JAK2: variants seen among roughly 807,000 people sequenced by gnomAD.
JAK2 encodes tyrosine-protein kinase JAK2.
Under a neutral mutation model 139.3 loss-of-function variants are expected in JAK2, and 86 were observed. The ratio of observed to expected loss-of-function variants is 0.62; its 90% CI spans 0.52 to 0.74. The LOEUF (loss-of-function observed/expected upper bound fraction) is 0.74. Among genes scored for constraint, JAK2 ranks in the 30% least tolerant of loss-of-function variants. JAK2 has a pLI of 0.00. For missense variants in JAK2, 1,421 were observed against 1,360.3 expected (o/e 1.04, Z -0.70); for synonymous variants, 490 against 437.7 (o/e 1.12, Z -1.49).
chr9:5,001,548 G>C (rs1049393679), intron 2 of JAK2, among the ~76,000 whole-genome samples: 1 of 151,744 alleles, frequency 6.6e-6, no homozygotes, highest in African/African-American at 2.4e-5. Context: ...ACTTGGTGAT[G>C]GTGTTCTGAC....
chr9:5,122,135 T>A (rs1823666788), intron 22 of JAK2, among the ~76,000 whole-genome samples: 1 of 152,140 alleles, frequency 6.6e-6, no homozygotes, highest in Admixed American at 6.6e-5. Flanking sequence ...ATTAGGAAAC[T>A]TAAATGGGAT....
intron 22 of JAK2, among the ~76,000 whole-genome samples, chr9:5,096,156 G>A (rs1188966153): frequency 2.0e-5 from 3 of 151,876 alleles, no homozygotes; most frequent in Admixed American, 1.3e-4. Context: ...CCAATAATAC[G>A]AAAATAAAAT....
chr9:4,986,671 C>T (rs570760511), intron 2 of JAK2, among the ~76,000 whole-genome samples: 1 of 152,118 alleles, frequency 6.6e-6, no homozygotes, highest in Admixed American at 6.5e-5. Context: ...ATGCTTGGGA[C>T]CAAAAGTGTT....
intron 2 of JAK2, among the ~76,000 whole-genome samples, chr9:5,003,174 G>T (rs1441893844): frequency 6.6e-6 from 1 of 151,790 alleles, no homozygotes; most frequent in African/African-American, 2.4e-5. Context: ...TCTTTAGTTT[G>T]CTCTTCAAGA....
chr9:5,029,590 G>A (rs1054066297), intron 3 of JAK2, among the ~76,000 whole-genome samples, 193 bp from the exon 4 acceptor site: 1 of 152,028 alleles, frequency 6.6e-6, no homozygotes, highest in African/African-American at 2.4e-5. Context: ...CTAAAATGAA[G>A]TATGTTTGTA....
At chr9:5,110,403 A>T (rs1453269927) in intron 22 of JAK2, 1 of 152,322 alleles carries the variant, frequency 6.6e-6, no homozygotes. Flanking sequence ...GGGCCTTACG[A>T]TAGTCACAAT....
At chr9:5,041,161 T>G in intron 4 of JAK2, 1 of 1,192,150 alleles carries the variant, frequency 8.4e-7, no homozygotes, top group Non-Finnish European at 1.2e-6. Flanking sequence ...CGCGCATGGA[T>G]TATGTGCACA....
chr9:5,081,103 G>A (rs1347947075), intron 18 of JAK2, among the ~76,000 whole-genome samples: 4 of 151,782 alleles, frequency 2.6e-5, no homozygotes, highest in Non-Finnish European at 5.9e-5. Context: ...CACCGTGTTA[G>A]CCAGGATGGT....
intron 2 of JAK2, among the ~76,000 whole-genome samples, chr9:5,019,611 G>A (rs953334669): frequency 6.6e-6 from 1 of 152,092 alleles, no homozygotes; most frequent in Non-Finnish European, 1.5e-5. Flanking sequence ...ATGTTCCCAT[G>A]TTTCTTGTGA....
intron 22 of JAK2, among the ~76,000 whole-genome samples, chr9:5,117,521 C>A (rs1316939063): frequency 3.3e-5 from 5 of 152,020 alleles, no homozygotes; most frequent in Admixed American, 1.3e-4. Context: ...TTTCCAGAGG[C>A]AATAAGATAT....
At chr9:4,992,565 C>T (rs1025959628) in intron 2 of JAK2, among the ~76,000 whole-genome samples, 2 of 152,164 alleles carry the variant, frequency 1.3e-5, no homozygotes, top group African/African-American at 4.8e-5. Context: ...ACGCAAAATA[C>T]ACTGAGCTTC....
intron 22 of JAK2, chr9:5,111,633 G>A (rs1192336624): frequency 5.3e-6 from 2 of 376,890 alleles, no homozygotes; most frequent in African/African-American, 2.2e-5. Flanking sequence ...ATGCTGGGCG[G>A]GGGCTCATGC....
intron 22 of JAK2, among the ~76,000 whole-genome samples, chr9:5,118,836 T>C (rs1429831828): frequency 2.6e-5 from 4 of 152,144 alleles, no homozygotes; most frequent in Admixed American, 6.5e-5. Flanking sequence ...TCCATTATGT[T>C]TCAATTTTAT....
chr9:5,051,552 A>G (rs1013434162), intron 6 of JAK2, among the ~76,000 whole-genome samples: 11 of 152,188 alleles, frequency 7.2e-5, no homozygotes, highest in Admixed American at 3.3e-4. Flanking sequence ...TCTTATACAA[A>G]TGGTCCAAAC....
chr9:5,028,797 C>T (rs1292814141), intron 3 of JAK2, among the ~76,000 whole-genome samples: 1 of 152,194 alleles, frequency 6.6e-6, no homozygotes, highest in Non-Finnish European at 1.5e-5. Context: ...AGCTTCCTCA[C>T]CTCTCTCAGC....
chr9:5,070,790 A>T (rs1818906027), intron 12 of JAK2, among the ~76,000 whole-genome samples: 1 of 152,114 alleles, frequency 6.6e-6, no homozygotes, highest in Non-Finnish European at 1.5e-5. Context: ...GTAGTACATA[A>T]GATCTGATAA....
chr9:4,998,513 C>T (rs1193353247), intron 2 of JAK2, among the ~76,000 whole-genome samples: 1 of 152,112 alleles, frequency 6.6e-6, no homozygotes. Context: ...CCTTGGCCTC[C>T]CAAAGTGCTG....
chr9:5,032,470 G>A (rs892594058), intron 4 of JAK2, among the ~76,000 whole-genome samples: 4 of 152,352 alleles, frequency 2.6e-5, no homozygotes, highest in East Asian at 1.9e-4. Flanking sequence ...CCTGAACCCC[G>A]AGTAGCCTAA....
intron 2 of JAK2, among the ~76,000 whole-genome samples, chr9:5,019,130 T>G (rs1400242067): frequency 2.0e-5 from 3 of 152,180 alleles, no homozygotes; most frequent in African/African-American, 7.2e-5. Context: ...CAGCTATTAT[T>G]TCATTAACCA....
Sources: gnomAD v4.1 joint callset for allele counts (sites outside exome capture counted in the v4.1 genomes callset) on GRCh38, gnomAD v4.1.1 for gene constraint, MANE v1.5 for transcripts, NCBI Gene and HGNC (gene_info 2026-07-23, HGNC 2026-07-21) for gene names.